The following DAPK1 variants were observed in gnomAD, a reference collection of about 807,000 sequenced individuals.
DAPK1 encodes the protein death-associated protein kinase 1.
A neutral mutation model predicts 144.9 loss-of-function variants in DAPK1; 56 were observed. That is an observed-to-expected ratio of 0.39 (90% CI 0.31 to 0.48). DAPK1 has a LOEUF of 0.48. Among genes scored for constraint, DAPK1 ranks in the 20% least tolerant of loss-of-function variants. DAPK1 has a pLI of 0.95. For missense variants in DAPK1, 1,454 were observed against 1,875.4 expected, an observed-to-expected ratio of 0.78 and a Z score of 4.15; for synonymous variants, 690 against 749.0, an observed-to-expected ratio of 0.92 and a Z score of 1.29.
In DAPK1 at chr9:87,539,413, A is replaced by G. The variant is rs116152353; in HGVS notation, c.62+40274A>G. Reference sequence around the variant, plus strand: ...AAAATTTCAGAAATACACAATTTATAAGTTTTAAATTTCTCACTTTTTTTT... The same window carrying G: ...AAAATTTCAGAAATACACAATTTATGAGTTTTAAATTTCTCACTTTTTTTT... On this transcript the variant is annotated intron_variant, in intron 2 of 25. Transcript: ENST00000408954. Among the ~76,000 whole-genome samples, 1,213 of 146,514 alleles carry G rather than the reference A, an allele frequency of 8.3e-3. 11 individuals carry two copies. Among genetic ancestry groups the G allele is most frequent in the African/African-American group, 0.027 (1,090 of 39,642 alleles).
intron 2 of DAPK1, among the ~76,000 whole-genome samples, chr9:87,573,935 G>A (rs1462499342): frequency 6.6e-6 from 1 of 152,148 alleles, no homozygotes; most frequent in Non-Finnish European, 1.5e-5. Flanking sequence ...AAAGAAATAG[G>A]AGTTTATTTC....
At chr9:87,550,283 G>A (rs1826428081) in intron 2 of DAPK1, among the ~76,000 whole-genome samples, 1 of 152,190 alleles carries the variant, frequency 6.6e-6, no homozygotes, top group African/African-American at 2.4e-5. Flanking sequence ...ATCCTAGAAT[G>A]TGTTTATTAT....
In DAPK1 at chr9:87,633,361, G is replaced by A. The variant is rs537984792; in HGVS notation, c.285-4582G>A. Reference sequence around the variant, plus strand: ...ATGAGTATATGTGCGTATGGGTGAGGGGGGATGGAGTGAATACATAGGGCC... The same window carrying A: ...ATGAGTATATGTGCGTATGGGTGAGAGGGGATGGAGTGAATACATAGGGCC... On this transcript the variant is annotated intron_variant, in intron 3 of 25. Transcript: ENST00000408954. 6.1e-6 allele frequency: 6 copies of A among 985,178 alleles called. No homozygotes were observed. The South Asian group carries it at 2.8e-4, about 46-fold the overall frequency. The allele number at this position is 985,178 out of a possible 1,614,324, so 61.0% of individuals were successfully genotyped here. A position where few individuals can be genotyped will look rare whatever the true frequency, so the allele number is the denominator to read the frequency against.
At chr9:87,513,433 C>T (rs1247094979) in intron 2 of DAPK1, among the ~76,000 whole-genome samples, 6 of 152,038 alleles carry the variant, frequency 3.9e-5, no homozygotes, top group East Asian at 3.8e-4. Flanking sequence ...TTCTTGTGGA[C>T]GACGTAAAAA....
chr9:87,698,818 C>G (rs757171013), intron 23 of DAPK1, 24 bp downstream of exon 23: 20 of 1,514,698 alleles, frequency 1.3e-5, no homozygotes, highest in Non-Finnish European at 1.8e-5. Flanking sequence ...ACTTAGTCTC[C>G]AGCTCACGGG....
intron 2 of DAPK1, among the ~76,000 whole-genome samples, chr9:87,572,347 G>A (rs747682665): frequency 2.6e-5 from 4 of 152,204 alleles, no homozygotes; most frequent in South Asian, 2.1e-4. Context: ...CCTTGAAGTC[G>A]TGCCGTTATA....
At position 87,642,045 on chromosome 9, in the gene DAPK1, G is replaced by A. The variant is rs1231416406; in HGVS notation, c.905G>A (p.Arg302Gln). The A allele has an allele frequency of 6.8e-6, 11 of 1,613,664 alleles. No homozygotes were observed. The highest frequency in any genetic ancestry group is 1.1e-5 in the South Asian group (1 of 91,058). ...NMEKFKKFAA[R>Q]KKWKQSVRLI... ...GAGAAATTCAAGAAGTTTGCAGCCC[G>A]GAAAAAATGGAAAGTAAGATTGTTT... The change falls in exon 10 of 26, where the codon CGG (arginine) becomes CAG (glutamine). Residue 302 changes from arginine to glutamine, a missense_variant. Arg to Gln is a conservative substitution (Grantham distance 43, BLOSUM62 1). Around this residue, in one of 2 missense-constraint regions of DAPK1, gnomAD observed 429 missense variants for 637.5 expected, o/e 0.67. Coordinates refer to ENST00000408954, the MANE Select transcript of DAPK1 (RefSeq NM_004938.4).
In DAPK1 at chr9:87,647,419, T is replaced by C; in HGVS notation, c.1329+16T>C. On this transcript the variant is annotated intron_variant, in intron 14 of 25. Coordinates refer to ENST00000408954, the MANE Select transcript of DAPK1 (RefSeq NM_004938.4). ...GAAAGACAAGGTAAGGCCACTTCTCTTAGGAGGAACATGAGGTGGTAGTAA... is the reference window on the plus strand; with the variant it reads ...GAAAGACAAGGTAAGGCCACTTCTCCTAGGAGGAACATGAGGTGGTAGTAA... The C allele has an allele frequency of 6.2e-7, 1 of 1,607,090 alleles. No homozygotes were observed. Among genetic ancestry groups the C allele is most frequent in the South Asian group, 1.1e-5 (1 of 90,916 alleles).
chr9:87,640,055 G>A (rs900075923), intron 7 of DAPK1, among the ~76,000 whole-genome samples: 4 of 152,188 alleles, frequency 2.6e-5, no homozygotes, highest in Non-Finnish European at 5.9e-5. Flanking sequence ...GTCCATCACT[G>A]CCGAGAAAAC....
At chr9:87,620,165 C>T (rs891857167) in intron 3 of DAPK1, among the ~76,000 whole-genome samples, 15 of 152,140 alleles carry the variant, frequency 9.9e-5, no homozygotes, top group Admixed American at 9.8e-4. Flanking sequence ...GCGGTGGAGA[C>T]CCTCTGCTCG....
chr9:87,668,349 G>C (rs778092927), intron 18 of DAPK1: 3 of 491,708 alleles, frequency 6.1e-6, no homozygotes, highest in African/African-American at 1.9e-5. Context: ...GACCTGAAAG[G>C]TGTCGCTATT....
chr9:87,632,529 A>G (rs1043551281), intron 3 of DAPK1: 14 of 977,194 alleles, frequency 1.4e-5, no homozygotes, highest in Non-Finnish European at 1.6e-5. Context: ...TATAGAAATG[A>G]AGGAAGATGA....
intron 24 of DAPK1, among the ~76,000 whole-genome samples, chr9:87,702,271 A>AG (rs1825480871): frequency 4.6e-5 from 7 of 152,208 alleles, no homozygotes; most frequent in Non-Finnish European, 8.8e-5. Context: ...GTGGTTTCTA[A>AG]TTCAGAGGTA....
chr9:87,507,869 T>G (rs1824668334), intron 2 of DAPK1, among the ~76,000 whole-genome samples: 1 of 152,188 alleles, frequency 6.6e-6, no homozygotes, highest in Non-Finnish European at 1.5e-5. Flanking sequence ...TTATTCTTAT[T>G]TAGGAAATAT....
At chr9:87,603,311 T>C (rs1828593782) in intron 2 of DAPK1, among the ~76,000 whole-genome samples, 2 of 152,222 alleles carry the variant, frequency 1.3e-5, no homozygotes, top group South Asian at 4.1e-4. Context: ...AATTGGATTT[T>C]GGTTGTAATG....
intron 13 of DAPK1, among the ~76,000 whole-genome samples, chr9:87,647,059 G>A (rs982528235): frequency 4.6e-5 from 7 of 152,136 alleles, no homozygotes; most frequent in African/African-American, 1.7e-4. Flanking sequence ...ACAAAAAAAA[G>A]TTGGAAAAGT....
chr9:87,689,596 A>G (rs1378508621), intron 21 of DAPK1, among the ~76,000 whole-genome samples: 7 of 152,270 alleles, frequency 4.6e-5, no homozygotes, highest in African/African-American at 1.7e-4. Context: ...TGTAGGACCA[A>G]TGTCCTGAAG....
At chr9:87,546,396 T>A (rs935126627) in intron 2 of DAPK1, among the ~76,000 whole-genome samples, 1 of 151,926 alleles carries the variant, frequency 6.6e-6, no homozygotes, top group African/African-American at 2.4e-5. Context: ...CTCTGGGAGG[T>A]AGATACTGTC....
chr9:87,499,987 G>A (rs1213064964), intron 2 of DAPK1, among the ~76,000 whole-genome samples: 2 of 152,154 alleles, frequency 1.3e-5, no homozygotes, highest in Non-Finnish European at 2.9e-5. Flanking sequence ...TATTTACATT[G>A]TGAGTGGAGT....
Sources: gnomAD v4.1 joint callset for allele counts (sites outside exome capture counted in the v4.1 genomes callset) on GRCh38, gnomAD v4.1.1 for gene constraint, gnomAD v4.1.1 regional missense constraint, MANE v1.5 for transcripts, NCBI Gene and HGNC (gene_info 2026-07-23, HGNC 2026-07-21) for gene names.